The following TRIO variants were observed in gnomAD, a reference collection of about 807,000 sequenced individuals.
TRIO encodes the protein triple functional domain protein.
In TRIO, 58 loss-of-function variants were observed where a neutral mutation model predicts 351.9. The ratio of observed to expected loss-of-function variants is 0.16; its 90% CI spans 0.13 to 0.21. The LOEUF (loss-of-function observed/expected upper bound fraction) is 0.21. Ranked by LOEUF, TRIO falls within the 10% of genes least tolerant of loss-of-function variation. TRIO has a pLI of 1.00. For synonymous variants in TRIO, 1,758 were observed against 1,595.7 expected, an observed-to-expected ratio of 1.10 and a Z score of -2.42; for missense variants, 3,201 against 4,027.8, an observed-to-expected ratio of 0.79 and a Z score of 5.56.
intron 29 of TRIO, 122 bp downstream of exon 29, chr5:14,397,276 T>C: frequency 1.4e-6 from 1 of 735,490 alleles, no homozygotes; most frequent in South Asian, 1.9e-5. Flanking sequence ...TTAAGAACAT[T>C]TCTTAAAGAA....
chr5:14,295,070 C>T (rs1412262612), intron 6 of TRIO, among the ~76,000 whole-genome samples: 1 of 152,102 alleles, frequency 6.6e-6, no homozygotes, highest in Non-Finnish European at 1.5e-5. Context: ...CAGGCCTGCT[C>T]CTTGTGTTGA....
intron 1 of TRIO, among the ~76,000 whole-genome samples, chr5:14,194,127 A>G (rs1002740740): frequency 1.3e-5 from 2 of 152,162 alleles, no homozygotes; most frequent in Non-Finnish European, 2.9e-5. Flanking sequence ...GCATTGTCAA[A>G]TTGTACCCAT....
intron 40 of TRIO, among the ~76,000 whole-genome samples, chr5:14,475,613 A>T (rs574117404): frequency 3.5e-4 from 53 of 152,244 alleles, no homozygotes; most frequent in Non-Finnish European, 6.3e-4. Flanking sequence ...TTACAGATAA[A>T]TGATCGGTAA....
At chr5:14,382,488 G>T (rs1579489851) in intron 21 of TRIO, among the ~76,000 whole-genome samples, 1 of 152,156 alleles carries the variant, frequency 6.6e-6, no homozygotes, top group South Asian at 2.1e-4. Context: ...ACCAGGCATG[G>T]GGGGCGCAGC....
chr5:14,225,803 C>CCG (rs1554036808), intron 1 of TRIO, among the ~76,000 whole-genome samples: 1 of 143,206 alleles, frequency 7.0e-6, no homozygotes, highest in Admixed American at 6.9e-5. Context: ...CCCCCCCCCC[C>CCG]ACCTCCAAGC....
At chr5:14,168,102 G>A (rs1242884851) in intron 1 of TRIO, among the ~76,000 whole-genome samples, 1 of 152,182 alleles carries the variant, frequency 6.6e-6, no homozygotes, top group African/African-American at 2.4e-5. Flanking sequence ...CCCTGGAAAA[G>A]TTTCTAGAAC....
chr5:14,188,364 G>A (rs927176456), intron 1 of TRIO, among the ~76,000 whole-genome samples: 1 of 152,142 alleles, frequency 6.6e-6, no homozygotes, highest in Non-Finnish European at 1.5e-5. Context: ...CAGAGAGATT[G>A]GTTAAGTAGC....
intron 33 of TRIO, 142 bp from the exon 34 acceptor site, chr5:14,419,636 T>G: frequency 9.5e-7 from 1 of 1,048,846 alleles, no homozygotes; most frequent in African/African-American, 1.6e-5. Context: ...ATACGGAGAG[T>G]GCAGTGATCA....
chr5:14,297,064 C>T lies in TRIO; in HGVS notation c.1177-8C>T. The T allele has an allele frequency of 1.2e-6, 2 of 1,603,654 alleles. No homozygotes were observed. Among genetic ancestry groups the T allele is most frequent in the Non-Finnish European group, 8.5e-7 (1 of 1,171,552 alleles). Reference sequence around the variant, plus strand: ...CTAAGGAGCCCTCTTTTCCTGCCCACTTTCCAGAACGTGTATGTAAATATA... The same window carrying T: ...CTAAGGAGCCCTCTTTTCCTGCCCATTTTCCAGAACGTGTATGTAAATATA... On this transcript the variant is annotated splice_polypyrimidine_tract_variant and splice_region_variant and intron_variant, in intron 6 of 56. Transcript: ENST00000344204.
chr5:14,165,887 G>T (rs182645196), intron 1 of TRIO, among the ~76,000 whole-genome samples: 1 of 152,230 alleles, frequency 6.6e-6, no homozygotes, highest in Non-Finnish European at 1.5e-5. Context: ...GTAGGTGGCC[G>T]CTAGGCCCAG....
At chr5:14,391,610 C>T (rs771157008) in intron 27 of TRIO, among the ~76,000 whole-genome samples, 8 of 152,224 alleles carry the variant, frequency 5.3e-5, no homozygotes, top group Non-Finnish European at 1.0e-4. Context: ...ACGTGATACA[C>T]AGAGTGCTTT....
At chr5:14,148,363 AG>A (rs1405519958) in intron 1 of TRIO, among the ~76,000 whole-genome samples, 1 of 152,226 alleles carries the variant, frequency 6.6e-6, no homozygotes, top group East Asian at 1.9e-4. Flanking sequence ...TCATAATCTA[AG>A]TCAGCTGTAT....
At chr5:14,360,430 C>T (rs535342628) in intron 13 of TRIO, among the ~76,000 whole-genome samples, 3 of 152,340 alleles carry the variant, frequency 2.0e-5, no homozygotes, top group Admixed American at 1.3e-4. Context: ...GGAGTCTAGC[C>T]GCTTCTTACA....
intron 1 of TRIO, among the ~76,000 whole-genome samples, chr5:14,236,081 G>C (rs563591865): frequency 2.7e-4 from 41 of 152,084 alleles, no homozygotes; most frequent in Middle Eastern, 3.4e-3. Flanking sequence ...TAGAAACCAA[G>C]CTTGTGTTAC....
intron 36 of TRIO, 63 bp downstream of exon 36, chr5:14,462,988 G>C: frequency 6.7e-7 from 1 of 1,482,446 alleles, no homozygotes; most frequent in Non-Finnish European, 8.9e-7. Flanking sequence ...ACGCTCGGTA[G>C]CTGCTTCACA....
rs1015299066 is a variant in TRIO, at chr5:14,190,762, A to T, written c.157+46880A>T. Among the ~76,000 whole-genome samples the T allele has an allele frequency of 6.7e-5, 10 of 150,366 alleles. 1 individual carries two copies. In the South Asian group the frequency reaches 1.2e-3, roughly 19 times the overall value. ...CTGTCTTAAAAGAGCTGACTAAATTAAAAAAAAATCCACCTCAAAAAGAAG... is the reference window on the plus strand; with the variant it reads ...CTGTCTTAAAAGAGCTGACTAAATTTAAAAAAAATCCACCTCAAAAAGAAG... On this transcript the variant is annotated intron_variant, in intron 1 of 56. Coordinates refer to ENST00000344204, the MANE Select transcript of TRIO (RefSeq NM_007118.4).
intron 4 of TRIO, among the ~76,000 whole-genome samples, chr5:14,289,358 A>G (rs1736713928): frequency 6.6e-6 from 1 of 151,934 alleles, no homozygotes; most frequent in African/African-American, 2.4e-5. Context: ...GCACTGCAGC[A>G]TGGGCAACAA....
At chr5:14,396,922 C>G (rs571294884) in intron 28 of TRIO, 121 bp from the exon 29 acceptor site, 6 of 748,344 alleles carry the variant, frequency 8.0e-6, no homozygotes, top group Non-Finnish European at 6.6e-6. Context: ...AACATATGCC[C>G]AGTTGACCAC....
intron 1 of TRIO, among the ~76,000 whole-genome samples, chr5:14,223,280 CA>C (rs34602624): frequency 0.81 from 123,813 of 152,196 alleles, 50,858 homozygotes; most frequent in East Asian, 0.99. Context: ...AATGGGTCGA[CA>C]AAAATGTATG....
Sources: allele counts gnomAD v4.1 joint callset (sites outside exome capture counted in the v4.1 genomes callset), GRCh38; gene constraint gnomAD v4.1.1; transcripts MANE v1.5; gene names NCBI Gene and HGNC (gene_info 2026-07-23, HGNC 2026-07-21).